TRIM51: variants seen among roughly 807,000 people sequenced by gnomAD.
The protein encoded by TRIM51 is tripartite motif-containing 51.
A neutral mutation model predicts 32.7 loss-of-function variants in TRIM51; 23 were observed. That is an observed-to-expected ratio of 0.70 (90% confidence interval 0.51 to 1.00). The LOEUF (loss-of-function observed/expected upper bound fraction) is 1.00. Ranked by LOEUF, TRIM51 falls within the 50% of genes least tolerant of loss-of-function variation. The pLI is 0.00. For synonymous variants in TRIM51, 177 were observed against 181.9 expected, an observed-to-expected ratio of 0.97 and a Z score of 0.22; for missense variants, 592 against 539.2, an observed-to-expected ratio of 1.10 and a Z score of -0.97.
intron 1 of TRIM51, 37 bp from the exon 2 acceptor site, chr11:55,885,388 C>G (rs968388873): frequency 3.1e-6 from 5 of 1,610,500 alleles, no homozygotes; most frequent in Admixed American, 1.7e-5. Flanking sequence ...TTCACCAACC[C>G]AGACCCCAAA....
chr11:55,884,182 T>TATATATATATATATATACATAC (rs1458218535), intron 1 of TRIM51, among the ~76,000 whole-genome samples: 2 of 110,282 alleles, frequency 1.8e-5, no homozygotes, highest in Admixed American at 9.0e-5. Flanking sequence ...TATATATATA[T>TATATATATATATATATACATAC]ACACATACCA....
At chr11:55,890,729 G>A (rs1854637354) in intron 6 of TRIM51, among the ~76,000 whole-genome samples, 1 of 152,096 alleles carries the variant, frequency 6.6e-6, no homozygotes, top group East Asian at 1.9e-4. Context: ...ATCTAGAGCG[G>A]TGCTTGAGTA....
In TRIM51 at chr11:55,891,224, T is replaced by C; in HGVS notation, c.951T>C (p.Asp317=). 2 of 1,605,546 alleles carry C rather than the reference T, an allele frequency of 1.2e-6. No individual in the cohort carries two copies. Among genetic ancestry groups the C allele is most frequent in the Non-Finnish European group, 1.7e-6 (2 of 1,179,728 alleles). ...RSMNVGCDPQ[D]DPDITGKSEC... is the part of the protein sequence containing the mutation. ...TGAATGTTGGATGTGACCCTCAAGA[T>C]GATCCCGATATCACTGGAAAATCTG... Residue 317 remains aspartate, a synonymous_variant, in exon 7 of 7, where the codon GAT becomes GAC. Coordinates refer to ENST00000449290, the MANE Select transcript of TRIM51 (RefSeq NM_032681.4).
chr11:55,891,745 G>C lies in TRIM51; in HGVS notation c.*113G>C. On this transcript the variant is annotated 3_prime_UTR_variant, in exon 7 of 7. Transcript: ENST00000449290. Reference sequence around the variant, plus strand: ...AAATAAGTTATATTTAATGTCTTTAGTTGCATTCTAATGTCATCAAAACTC... The same window carrying C: ...AAATAAGTTATATTTAATGTCTTTACTTGCATTCTAATGTCATCAAAACTC... 8.1e-7 allele frequency: 1 copy of C among 1,230,112 alleles called. No homozygotes were observed. The highest frequency in any genetic ancestry group is 2.3e-5 in the East Asian group (1 of 42,882). The allele number at this position is 1,230,112 out of a possible 1,614,324, so 76.2% of individuals were successfully genotyped here.
chr11:55,883,832 G>GCT (rs1854539461), intron 1 of TRIM51, among the ~76,000 whole-genome samples: 2 of 152,002 alleles, frequency 1.3e-5, no homozygotes, highest in Admixed American at 1.3e-4. Context: ...AAATAAGAAT[G>GCT]CTCTCCAAAA....
intron 6 of TRIM51, among the ~76,000 whole-genome samples, 172 bp from the exon 7 acceptor site, chr11:55,890,961 A>G (rs1854639745): frequency 6.6e-6 from 1 of 152,168 alleles, no homozygotes. Context: ...TTCTTCCTAT[A>G]GAGAATATTA....
chr11:55,889,031 C>T (rs749243826), intron 5 of TRIM51, 30 bp downstream of exon 5: 39 of 1,595,288 alleles, frequency 2.4e-5, no homozygotes, highest in African/African-American at 1.2e-4. Context: ...TTAGCAGATG[C>T]TTTCAGTTTC....
Position 55,891,506 on chromosome 11 carries a change from A to T in TRIM51, c.1233A>T (p.Leu411Phe), listed in dbSNP as rs1173289971. Residue 411 changes from leucine (L) to phenylalanine (F), a missense_variant, in exon 7 of 7, where the codon TTA becomes TTT. Leu to Phe is a conservative substitution (Grantham distance 22). Coordinates refer to ENST00000449290, the MANE Select transcript of TRIM51 (RefSeq NM_032681.4). ...CAAGACCTACCAGCACAGTAGGATT[A>T]TTCCTGGATTGTGAAGGTAGAACCG... ...YVPRPTSTVG[L>F]FLDCEGRTVS... is the part of the protein sequence containing the mutation. 1.9e-6 allele frequency: 3 copies of T among 1,613,474 alleles called. No homozygotes were observed. The highest frequency in any genetic ancestry group is 3.3e-5 in the Admixed American group (2 of 59,984).
Position 55,891,233 on chromosome 11 carries a change from T to A in TRIM51, c.960T>A (p.Asp320Glu), listed in dbSNP as rs1271714567. Residue 320 changes from aspartate to glutamate, a missense_variant, in exon 7 of 7, where the codon GAT becomes GAA. Asp to Glu is a conservative substitution (Grantham distance 45). Coordinates refer to ENST00000449290, the MANE Select transcript of TRIM51 (RefSeq NM_032681.4). Reference sequence around the variant, plus strand: ...GATGTGACCCTCAAGATGATCCCGATATCACTGGAAAATCTGAATGTTTTC... The same window carrying A: ...GATGTGACCCTCAAGATGATCCCGAAATCACTGGAAAATCTGAATGTTTTC... ...NVGCDPQDDPDITGKSECFLV... is the reference protein window; with the variant it reads ...NVGCDPQDDPEITGKSECFLV... The A allele has an allele frequency of 6.2e-7, 1 of 1,606,284 alleles. No homozygotes were observed. The highest frequency in any genetic ancestry group is 8.5e-7 in the Non-Finnish European group (1 of 1,179,736).
Position 55,888,135 on chromosome 11 carries a change from A to T in TRIM51, c.611A>T (p.Glu204Val). The change falls in exon 4 of 7, where the codon GAG becomes GTG. Residue 204 changes from glutamate (E) to valine (V), a missense_variant. Coordinates refer to ENST00000449290, the MANE Select transcript of TRIM51 (RefSeq NM_032681.4). ...CATCACTTGGAAAGGCTGCGAAAGG[A>T]GGGCGAGGACATTTTTCAGCAACTC... is the stretch of plus-strand genomic sequence containing the variant. ...EQHHLERLRKEGEDIFQQLNE... is the reference protein window; with the variant it reads ...EQHHLERLRKVGEDIFQQLNE... 1 of 1,613,728 alleles carries T rather than the reference A, an allele frequency of 6.2e-7. No individual in the cohort carries two copies. Among genetic ancestry groups the T allele is most frequent in the Non-Finnish European group, 8.5e-7 (1 of 1,179,686 alleles).
At chr11:55,887,345 TAC>T (rs200669346) in intron 3 of TRIM51, among the ~76,000 whole-genome samples, 10,006 of 151,200 alleles carry the variant, frequency 0.066, 434 homozygotes, top group Non-Finnish European at 0.1. Context: ...AATATATATA[TAC>T]ACACACACAG....
In TRIM51 at chr11:55,888,270, C is replaced by T. The variant is rs1390368161; in HGVS notation, c.738+8C>T. The T allele has an allele frequency of 6.3e-7, 1 of 1,599,014 alleles. No homozygotes were observed. Among genetic ancestry groups the T allele is most frequent in the Admixed American group, 1.7e-5 (1 of 59,964 alleles). ...GATGTGGAGCTACTCCAGGTATGGA[C>T]TGACCATGGGGTATCATGATGTTGA... is the stretch of plus-strand genomic sequence containing the variant. On this transcript the variant is annotated splice_region_variant and intron_variant, in intron 4 of 6. Transcript: ENST00000449290.
intron 4 of TRIM51, 50 bp downstream of exon 4, chr11:55,888,312 G>T (rs779999598): frequency 5.0e-5 from 70 of 1,397,648 alleles, no homozygotes; most frequent in Middle Eastern, 4.8e-4. Context: ...ACATACATGG[G>T]TGTTTTTCCT....
rs1394754904 is a variant in TRIM51, at chr11:55,885,747, G to A, written c.319G>A (p.Asp107Asn). 3 of 1,611,754 alleles carry A rather than the reference G, an allele frequency of 1.9e-6. No individual in the cohort carries two copies. The highest frequency in any genetic ancestry group is 2.5e-6 in the Non-Finnish European group (3 of 1,179,708). The change falls in exon 2 of 7, where the codon GAC (aspartate) becomes AAC (asparagine). Residue 107 changes from aspartate (D) to asparagine (N), a missense_variant. Transcript: ENST00000449290. The stretch of plus-strand genomic sequence containing the variant: ...GACAAAGAAGATGTTCTGTGAAGTG[G>A]ACAAGAGCCTGCTCTGTTTGCCGTG... ...RETKKMFCEVDKSLLCLPCSN... is the reference protein window; with the variant it reads ...RETKKMFCEVNKSLLCLPCSN...
rs149512476 is a variant in TRIM51, at chr11:55,891,523, G to T, written c.1250G>T (p.Gly417Val). ...GTAGGATTATTCCTGGATTGTGAAG[G>T]TAGAACCGTGAGCTTTGTTGATGTT... ...STVGLFLDCE[G>V]RTVSFVDVDQ... is the part of the protein sequence containing the mutation. The change falls in exon 7 of 7, where the codon GGT (glycine) becomes GTT (valine). Residue 417 changes from glycine to valine, a missense_variant. Physicochemically the swap from Gly to Val is moderately radical, Grantham distance 109 (BLOSUM62 -3). Transcript: ENST00000449290. The T allele has an allele frequency of 2.1e-5, 34 of 1,613,490 alleles. No individual in the cohort carries two copies. Among genetic ancestry groups the T allele is most frequent in the Non-Finnish European group, 2.8e-5 (33 of 1,179,738 alleles).
chr11:55,888,410 A>G, intron 4 of TRIM51, 148 bp downstream of exon 4: 3 of 710,700 alleles, frequency 4.2e-6, no homozygotes, highest in East Asian at 2.7e-5. Flanking sequence ...TTGGGAGGGT[A>G]TAGCCTCTCC....
intron 3 of TRIM51, among the ~76,000 whole-genome samples, chr11:55,887,792 C>A (rs1396326152): frequency 6.6e-6 from 1 of 151,898 alleles, no homozygotes; most frequent in Non-Finnish European, 1.5e-5. Context: ...AGAGGGAAAT[C>A]CATTTTTATA....
rs774158941 is a variant in TRIM51, at chr11:55,890,031, GA to G, written c.852del (p.Phe285SerfsTer22). 1.4e-5 allele frequency: 22 copies of G among 1,611,648 alleles called. No individual in the cohort carries two copies. The highest frequency in any genetic ancestry group is 6.7e-5 in the Admixed American group (4 of 59,918). Reference protein sequence around the residue: ...PITGLLDSLSGFRVDFTLQPE... With the variant: ...PITGLLDSLSXFRVDFTLQPE... Reference sequence around the variant, plus strand: ...ACTGGACTGCTGGACAGCCTCAGTGGATTCAGAGGTGAGTGTCAGCCCATTG... The same window carrying G: ...ACTGGACTGCTGGACAGCCTCAGTGGTTCAGAGGTGAGTGTCAGCCCATTG... On this transcript the variant is annotated frameshift_variant, in exon 6 of 7. Coordinates refer to ENST00000449290, the MANE Select transcript of TRIM51 (RefSeq NM_032681.4). LOFTEE classifies it low-confidence loss of function (END_TRUNC).
At chr11:55,884,706 T>C (rs1247471209) in intron 1 of TRIM51, among the ~76,000 whole-genome samples, 1 of 152,082 alleles carries the variant, frequency 6.6e-6, no homozygotes, top group Non-Finnish European at 1.5e-5. Context: ...TTTAATCCAG[T>C]CAAGTCAACA....
Sources: allele counts gnomAD v4.1 joint callset (sites outside exome capture counted in the v4.1 genomes callset), GRCh38; gene constraint gnomAD v4.1.1; transcripts MANE v1.5; gene names NCBI Gene and HGNC (gene_info 2026-07-23, HGNC 2026-07-21).